The following POT1 variants were observed in gnomAD, a reference collection of about 807,000 sequenced individuals.
The protein encoded by POT1 is protection of telomeres 1, also known as protection of telomeres protein 1.
Under a neutral mutation model 78.5 loss-of-function variants are expected in POT1, and 47 were observed. The ratio of observed to expected loss-of-function variants is 0.60; its 90% CI spans 0.47 to 0.76. The LOEUF (loss-of-function observed/expected upper bound fraction) is 0.76, where lower values mean the gene tolerates loss of function less well. POT1 is among the 30% of genes least tolerant of loss of function. The pLI, the probability that POT1 is intolerant of heterozygous loss-of-function variation, is 0.00. For synonymous variants in POT1, 259 were observed against 260.7 expected, an observed-to-expected ratio of 0.99 and a Z score of 0.06; for missense variants, 646 against 749.9, an observed-to-expected ratio of 0.86 and a Z score of 1.62.
chr7:124,879,522 A>G (rs1796069445), intron 6 of POT1, among the ~76,000 whole-genome samples: 6 of 152,096 alleles, frequency 3.9e-5, no homozygotes. Flanking sequence ...ATATCCTCTT[A>G]GTTTGGTTTT....
At chr7:124,877,840 CAAAAAAAAAAAAAAAAA>C (rs201285982) in intron 6 of POT1, among the ~76,000 whole-genome samples, 42 of 80,554 alleles carry the variant, frequency 5.2e-4, no homozygotes, top group Middle Eastern at 7.6e-3. Flanking sequence ...GATTCTGTCT[CAAAAAAAAAAAAAAAAA>C]AAAAAAAAAA....
chr7:124,823,933 T>C lies in POT1; in HGVS notation c.*29A>G, dbSNP rs375207235. On this transcript the variant is annotated 3_prime_UTR_variant, in exon 19 of 19. Coordinates refer to ENST00000357628, the MANE Select transcript of POT1 (RefSeq NM_015450.3). The stretch of plus-strand genomic sequence containing the variant: ...CAAACAGGGAAGGTGAGTGGCAACA[T>C]TTTATGTATGCTAAATTGGATGGCA... 82 of 1,431,372 alleles carry C rather than the reference T, an allele frequency of 5.7e-5. No individual in the cohort carries two copies. The highest frequency in any genetic ancestry group is 7.4e-5 in the Non-Finnish European group (75 of 1,020,092). The allele number at this position is 1,431,372 out of a possible 1,614,324, so 88.7% of individuals were successfully genotyped here.
intron 15 of POT1, among the ~76,000 whole-genome samples, chr7:124,833,544 A>C (rs746680943): frequency 6.6e-6 from 1 of 152,230 alleles, no homozygotes; most frequent in Non-Finnish European, 1.5e-5. Context: ...TAAATGTAGA[A>C]ATCTGTTTAT....
intron 6 of POT1, among the ~76,000 whole-genome samples, chr7:124,882,604 T>G (rs1009675098): frequency 6.6e-6 from 1 of 152,012 alleles, no homozygotes; most frequent in Non-Finnish European, 1.5e-5. Flanking sequence ...GTTATTCTGG[T>G]GGAGTTTTAC....
Position 124,823,734 on chromosome 7 carries a change from A to T in POT1, c.*228T>A. ...ACACTTATCTCAGCAGTACTTGTTT[A>T]AGCAGGTCTCTTTGTACAAAAGCAA... On this transcript the variant is annotated 3_prime_UTR_variant, in exon 19 of 19. Transcript: ENST00000357628. The T allele has an allele frequency of 2.1e-6, 1 of 481,374 alleles. No individual in the cohort carries two copies. Among genetic ancestry groups the T allele is most frequent in the African/African-American group, 2.0e-5 (1 of 49,152 alleles). 29.8% of individuals were successfully genotyped at this position (481,374 alleles called of 1,614,324 possible). A position where few individuals can be genotyped will look rare whatever the true frequency, so the allele number is the denominator to read the frequency against.
intron 15 of POT1, among the ~76,000 whole-genome samples, chr7:124,831,845 C>CT (rs1280521823): frequency 6.6e-6 from 1 of 151,644 alleles, no homozygotes; most frequent in Non-Finnish European, 1.5e-5. Flanking sequence ...TGCCATACTG[C>CT]TTAAGAGTTC....
intron 15 of POT1, among the ~76,000 whole-genome samples, chr7:124,834,727 A>G (rs1380419035): frequency 1.3e-5 from 2 of 152,236 alleles, no homozygotes; most frequent in Non-Finnish European, 2.9e-5. Context: ...CATTTGATCC[A>G]GCAATCCCAT....
intron 17 of POT1, among the ~76,000 whole-genome samples, chr7:124,826,313 T>G (rs1192376405): frequency 6.6e-6 from 1 of 152,206 alleles, no homozygotes; most frequent in Non-Finnish European, 1.5e-5. Flanking sequence ...TTTCCTGGAC[T>G]CTGTCCTATA....
At chr7:124,929,369 CTG>C (rs1797352314) in intron 1 of POT1, 1 of 152,032 alleles carries the variant, frequency 6.6e-6, no homozygotes, top group Non-Finnish European at 1.5e-5. Flanking sequence ...TATAGACAAA[CTG>C]TGCACCAAAA....
intron 9 of POT1, chr7:124,853,431 A>T (rs1418231358): frequency 4.8e-6 from 1 of 206,798 alleles, no homozygotes; most frequent in Non-Finnish European, 9.6e-6. Flanking sequence ...AAAATGTGAA[A>T]AAATATTGTG....
chr7:124,839,285 G>A (rs764851985), intron 14 of POT1, among the ~76,000 whole-genome samples: 170 of 152,276 alleles, frequency 1.1e-3, no homozygotes, highest in Non-Finnish European at 1.9e-3. Context: ...CAGAAATTAA[G>A]TGATACTGTT....
chr7:124,928,736 T>C (rs1797336792), intron 2 of POT1, 79 bp downstream of exon 2: 3 of 152,604 alleles, frequency 2.0e-5, no homozygotes, highest in Admixed American at 2.0e-4. Context: ...CCTAAACCAG[T>C]TCTCATAAAT....
At chr7:124,916,454 T>G (rs1797016885) in intron 2 of POT1, among the ~76,000 whole-genome samples, 1 of 152,134 alleles carries the variant, frequency 6.6e-6, no homozygotes, top group South Asian at 2.1e-4. Context: ...GAACCTTTCT[T>G]GACCCATCAG....
At position 124,846,616 on chromosome 7, in the gene POT1, T is replaced by C. The variant is rs1216159068; in HGVS notation, c.1006+326A>G. 4.0e-5 allele frequency among the ~76,000 whole-genome samples: 6 copies of C among 148,592 alleles called. No homozygotes were observed. In the South Asian group the frequency reaches 1.1e-3, roughly 27 times the overall value. On this transcript the variant is annotated intron_variant, in intron 12 of 18. Coordinates refer to ENST00000357628, the MANE Select transcript of POT1 (RefSeq NM_015450.3). The stretch of plus-strand genomic sequence containing the variant: ...TAGTTTAAAGATATGTGTCTTTACA[T>C]TGCACATTTTAAGTCATGTAACTCT...
At chr7:124,897,429 AT>A (rs1796519039) in intron 4 of POT1, among the ~76,000 whole-genome samples, 1 of 151,912 alleles carries the variant, frequency 6.6e-6, no homozygotes, top group South Asian at 2.1e-4. Context: ...TCAAATGAAA[AT>A]GTACTTTATT....
chr7:124,843,751 G>T (rs1795088835), intron 12 of POT1, among the ~76,000 whole-genome samples: 1 of 152,184 alleles, frequency 6.6e-6, no homozygotes, highest in African/African-American at 2.4e-5. Context: ...ACACTTTCAT[G>T]TGTTTTAGAA....
At chr7:124,890,860 T>C (rs1054051541) in intron 6 of POT1, among the ~76,000 whole-genome samples, 1 of 151,884 alleles carries the variant, frequency 6.6e-6, no homozygotes, top group Non-Finnish European at 1.5e-5. Flanking sequence ...TGATTTCTAG[T>C]TTGATTTTAT....
rs1433828534 is a variant in POT1, at chr7:124,827,332, A to G, written c.1595-27T>C. On this transcript the variant is annotated intron_variant, in intron 16 of 18. Coordinates refer to ENST00000357628, the MANE Select transcript of POT1 (RefSeq NM_015450.3). The stretch of plus-strand genomic sequence containing the variant: ...TAGTGAAGGAAAAAAAGATCAAACC[A>G]TATGAGTCTGCTATTCCTTATTATC... 13 of 1,328,192 alleles carry G rather than the reference A, an allele frequency of 9.8e-6. 1 individual carries two copies. Among genetic ancestry groups the G allele is most frequent in the South Asian group, 6.5e-5 (5 of 77,458 alleles). 82.3% of individuals were successfully genotyped at this position (1,328,192 alleles called of 1,614,324 possible). A position where few individuals can be genotyped will look rare whatever the true frequency, so the allele number is the denominator to read the frequency against.
At chr7:124,919,884 G>C (rs574489052) in intron 2 of POT1, among the ~76,000 whole-genome samples, 2 of 152,234 alleles carry the variant, frequency 1.3e-5, no homozygotes, top group South Asian at 4.1e-4. Context: ...TGCACGTTAT[G>C]TACCTGTCCC....
Sources: gnomAD v4.1 joint callset for allele counts (sites outside exome capture counted in the v4.1 genomes callset) on GRCh38, gnomAD v4.1.1 for gene constraint, MANE v1.5 for transcripts, NCBI Gene and HGNC (gene_info 2026-07-23, HGNC 2026-07-21) for gene names.